ZNF565: variants seen among roughly 807,000 people sequenced by gnomAD.
ZNF565 encodes the protein zinc finger protein 565.
A neutral mutation model predicts 39.4 loss-of-function variants in ZNF565; 27 were observed. The observed-to-expected ratio is 0.69, with a 90% CI of 0.51 to 0.95. The LOEUF (loss-of-function observed/expected upper bound fraction) is 0.95, where lower values mean the gene tolerates loss of function less well. Ranked by LOEUF, ZNF565 falls within the 40% of genes least tolerant of loss-of-function variation. The probability of loss-of-function intolerance (pLI) is 0.00; values close to 1 mark genes in which losing one functional copy is unlikely to be tolerated. For missense variants in ZNF565, 524 were observed against 621.1 expected, an observed-to-expected ratio of 0.84 and a Z score of 1.66; for synonymous variants, 185 against 216.6, an observed-to-expected ratio of 0.85 and a Z score of 1.28.
intron 1 of ZNF565, among the ~76,000 whole-genome samples, chr19:36,244,849 TAA>T (rs775546485): frequency 1.8e-4 from 23 of 129,224 alleles, no homozygotes; most frequent in African/African-American, 4.5e-4. Flanking sequence ...GACTACGTCT[TAA>T]AAAAAAAAAA....
chr19:36,221,429 T>C (rs2432044), intron 1 of ZNF565, among the ~76,000 whole-genome samples: 95,882 of 151,220 alleles, frequency 0.63, 30,579 homozygotes, highest in Middle Eastern at 0.71. Flanking sequence ...GCTGGGACTA[T>C]AGGTGTCAGC....
intron 1 of ZNF565, among the ~76,000 whole-genome samples, chr19:36,242,178 G>A (rs1255012873): frequency 5.3e-5 from 8 of 152,116 alleles, no homozygotes; most frequent in African/African-American, 1.2e-4. Flanking sequence ...TTGGGAGGCC[G>A]AGGCGGGCGG....
At position 36,183,447 on chromosome 19, in the gene ZNF565, C is replaced by T. The variant is rs61743957; in HGVS notation, c.519G>A (p.Gly173=). ...GGTGTGAGCCACGGCTAAATGCTTT[C>T]CCACATTCATGACATTCCATCAGTT... ...GEKLMECHEC[G]KAFSRGSHLI... is the part of the protein sequence containing the mutation. The change falls in exon 5 of 5, where the codon GGG becomes GGA. Residue 173 remains glycine (G), a synonymous_variant. Coordinates refer to ENST00000304116, the MANE Select transcript of ZNF565 (RefSeq NM_152477.5). 13,819 of 1,614,166 alleles carry T rather than the reference C, an allele frequency of 8.6e-3. 387 individuals carry two copies. The African/African-American group carries it at 0.096, about 11-fold the overall frequency.
At chr19:36,216,150 CAGTT>C (rs1272591374), upstream of ZNF565, among the ~76,000 whole-genome samples, 1 of 152,092 alleles carries the variant, frequency 6.6e-6, no homozygotes, top group Non-Finnish European at 1.5e-5. Context: ...TTACAAATAT[CAGTT>C]AGAATACATA....
chr19:36,216,272 CATAACAAA>C (rs1210417033), upstream of ZNF565, among the ~76,000 whole-genome samples: 1 of 152,074 alleles, frequency 6.6e-6, no homozygotes, highest in Non-Finnish European at 1.5e-5. Flanking sequence ...TACTAAGGGG[CATAACAAA>C]TGTGAACAAA....
At chr19:36,195,308 C>T (rs1975717770) in intron 2 of ZNF565, 152 bp from the exon 3 acceptor site, 6 of 879,688 alleles carry the variant, frequency 6.8e-6, no homozygotes, top group Non-Finnish European at 1.0e-5. Flanking sequence ...AAGGTGTACC[C>T]TGTTTTATCT....
chr19:36,184,715 AAAT>A (rs1975226792), intron 4 of ZNF565, among the ~76,000 whole-genome samples: 1 of 152,250 alleles, frequency 6.6e-6, no homozygotes, highest in African/African-American at 2.4e-5. Flanking sequence ...CATTTCATGT[AAAT>A]AAGGCATCTA....
intron 1 of ZNF565, chr19:36,237,063 G>A (rs1174986073): frequency 6.2e-7 from 1 of 1,614,190 alleles, no homozygotes; most frequent in Non-Finnish European, 8.5e-7. Context: ...ATTCATTCAG[G>A]TGATAAACCT....
At chr19:36,192,244 C>T (rs1474252737) in intron 4 of ZNF565, among the ~76,000 whole-genome samples, 1 of 151,556 alleles carries the variant, frequency 6.6e-6, no homozygotes, top group Non-Finnish European at 1.5e-5. Context: ...GCCTTGGCCT[C>T]CCAAAGTGTG....
intron 1 of ZNF565, among the ~76,000 whole-genome samples, chr19:36,225,195 G>A (rs919900104): frequency 6.6e-6 from 1 of 152,164 alleles, no homozygotes; most frequent in Non-Finnish European, 1.5e-5. Context: ...GTGGGAGTGT[G>A]AGCAGAAAGA....
intron 1 of ZNF565, chr19:36,237,943 GC>G (rs1485433353): frequency 1.2e-5 from 2 of 167,000 alleles, no homozygotes; most frequent in Admixed American, 6.6e-5. Flanking sequence ...GTACTAAAAT[GC>G]ATATGACCTT....
At chr19:36,223,145 G>T (rs968603680) in intron 1 of ZNF565, among the ~76,000 whole-genome samples, 11 of 151,578 alleles carry the variant, frequency 7.3e-5, no homozygotes, top group African/African-American at 2.7e-4. Context: ...GGCTGGGCGC[G>T]ATGGCTCACG....
chr19:36,231,434 CCT>C (rs1977365672), intron 1 of ZNF565, among the ~76,000 whole-genome samples: 1 of 152,154 alleles, frequency 6.6e-6, no homozygotes, highest in African/African-American at 2.4e-5. Flanking sequence ...GTCTTAAACT[CCT>C]GACCTCAAGT....
chr19:36,186,812 G>A (rs951220760), intron 4 of ZNF565, among the ~76,000 whole-genome samples: 1 of 152,078 alleles, frequency 6.6e-6, no homozygotes, highest in Non-Finnish European at 1.5e-5. Flanking sequence ...GACGGCATTT[G>A]TCAGATTGGA....
upstream of ZNF565, among the ~76,000 whole-genome samples, chr19:36,217,502 T>TTTATA (rs1976661268): frequency 6.6e-6 from 1 of 152,188 alleles, no homozygotes; most frequent in Non-Finnish European, 1.5e-5. Context: ...GAGGAAGCTC[T>TTTATA]TTATATACTG....
chr19:36,222,107 G>T (rs1387979995), intron 1 of ZNF565, among the ~76,000 whole-genome samples: 1 of 151,700 alleles, frequency 6.6e-6, no homozygotes, highest in Non-Finnish European at 1.5e-5. Context: ...TTTACTTTTT[G>T]TAGAGATGAG....
intron 4 of ZNF565, among the ~76,000 whole-genome samples, chr19:36,192,096 C>T (rs1975573998): frequency 6.6e-6 from 1 of 150,470 alleles, no homozygotes; most frequent in African/African-American, 2.4e-5. Flanking sequence ...TCAAGCGATT[C>T]TCCTGTCTCA....
intron 4 of ZNF565, among the ~76,000 whole-genome samples, chr19:36,189,552 T>G (rs1392869311): frequency 6.6e-6 from 1 of 151,422 alleles, no homozygotes; most frequent in Non-Finnish European, 1.5e-5. Context: ...GAACTCCTGA[T>G]CTCAGGTGAT....
intron 1 of ZNF565, among the ~76,000 whole-genome samples, chr19:36,220,263 T>C (rs1976775374): frequency 6.6e-6 from 1 of 152,170 alleles, no homozygotes; most frequent in South Asian, 2.1e-4. Context: ...ACATTTTTAA[T>C]GTATTTTTAA....
Sources: gnomAD v4.1 joint callset for allele counts (sites outside exome capture counted in the v4.1 genomes callset) on GRCh38, gnomAD v4.1.1 for gene constraint, MANE v1.5 for transcripts, NCBI Gene and HGNC (gene_info 2026-07-23, HGNC 2026-07-21) for gene names.